NKAIN2: variants seen among roughly 807,000 people sequenced by gnomAD.
NKAIN2 encodes sodium/potassium transporting ATPase interacting 2.
NKAIN2 carries 14 observed loss-of-function variants against 32.6 expected under a neutral mutation model. The observed-to-expected ratio is 0.43, with a 90% CI of 0.28 to 0.67. The LOEUF (loss-of-function observed/expected upper bound fraction) is 0.67, where lower values mean the gene tolerates loss of function less well. NKAIN2 is among the 30% of genes least tolerant of loss of function. The pLI is 0.17. For synonymous variants in NKAIN2, 80 were observed against 87.2 expected (o/e 0.92, Z 0.46); for missense variants, 198 against 258.3 (o/e 0.77, Z 1.60).
At chr6:124,501,527 A>G (rs1282114746) in intron 3 of NKAIN2, among the ~76,000 whole-genome samples, 1 of 152,180 alleles carries the variant, frequency 6.6e-6, no homozygotes, top group African/African-American at 2.4e-5. Context: ...TCGGTCCACT[A>G]TCCCTCAGCC....
At chr6:124,351,508 C>CAAAAAAAAAAAA (rs397956239) in intron 2 of NKAIN2, among the ~76,000 whole-genome samples, 2 of 108,946 alleles carry the variant, frequency 1.8e-5, no homozygotes, top group East Asian at 2.7e-4. Flanking sequence ...TCAAAAAAAC[C>CAAAAAAAAAAAA]AAAAAAAAAA....
intron 3 of NKAIN2, among the ~76,000 whole-genome samples, chr6:124,654,674 T>C (rs1019902207): frequency 6.6e-6 from 1 of 152,178 alleles, no homozygotes; most frequent in African/African-American, 2.4e-5. Context: ...TAGAGTGGGC[T>C]CTAGGCCAAT....
At chr6:124,607,659 C>G (rs940708499) in intron 3 of NKAIN2, among the ~76,000 whole-genome samples, 4 of 151,902 alleles carry the variant, frequency 2.6e-5, no homozygotes, top group Non-Finnish European at 5.9e-5. Flanking sequence ...CTTCGTTATA[C>G]ACACACACAA....
At chr6:124,311,255 AG>A (rs1283979033) in intron 2 of NKAIN2, among the ~76,000 whole-genome samples, 1 of 152,170 alleles carries the variant, frequency 6.6e-6, no homozygotes, top group Non-Finnish European at 1.5e-5. Flanking sequence ...AATACTGAGA[AG>A]CCCTAATTTT....
At chr6:124,755,822 T>C (rs531443842) in intron 4 of NKAIN2, among the ~76,000 whole-genome samples, 2 of 152,280 alleles carry the variant, frequency 1.3e-5, no homozygotes, top group African/African-American at 4.8e-5. Context: ...ATGACACAAG[T>C]TGACCTATGT....
chr6:124,412,423 GTT>G (rs948138798), intron 3 of NKAIN2, among the ~76,000 whole-genome samples: 5 of 152,170 alleles, frequency 3.3e-5, no homozygotes, highest in African/African-American at 1.2e-4. Context: ...GTCTGTTGGA[GTT>G]TGCTGGAGGT....
At chr6:124,329,629 C>T (rs1220733467) in intron 2 of NKAIN2, among the ~76,000 whole-genome samples, 4 of 152,294 alleles carry the variant, frequency 2.6e-5, no homozygotes, top group Non-Finnish European at 5.9e-5. Context: ...GGAGACATAG[C>T]ACCATGTAAC....
chr6:124,179,333 A>G (rs758492333), intron 1 of NKAIN2, among the ~76,000 whole-genome samples: 1 of 152,188 alleles, frequency 6.6e-6, no homozygotes. Context: ...TTCTTCAGCT[A>G]TTCTGTGTGT....
At chr6:124,570,024 G>A (rs554605604) in intron 3 of NKAIN2, among the ~76,000 whole-genome samples, 197 of 152,264 alleles carry the variant, frequency 1.3e-3, no homozygotes, top group Non-Finnish European at 2.2e-3. Context: ...AACTAGTTGG[G>A]AACTGGAGCG....
chr6:124,337,536 A>C (rs1326526335), intron 2 of NKAIN2, among the ~76,000 whole-genome samples: 1 of 152,180 alleles, frequency 6.6e-6, no homozygotes, highest in Non-Finnish European at 1.5e-5. Flanking sequence ...AAAAACAACA[A>C]TAAATAAACT....
chr6:124,611,341 G>A lies in NKAIN2; in HGVS notation c.274-46845G>A, dbSNP rs186630585. Among the ~76,000 whole-genome samples, 208 of 151,172 alleles carry A rather than the reference G, an allele frequency of 1.4e-3. 1 individual carries two copies. The highest frequency in any genetic ancestry group is 2.4e-3 in the Admixed American group (37 of 15,234). ...TATTAAAACAAAATAAAAGGTAAAC[G>A]CCATTTTATTTTGTTTGTTTGTTTG... On this transcript the variant is annotated intron_variant, in intron 3 of 6. Transcript: ENST00000368417.
chr6:123,955,228 A>G (rs1374757289), intron 1 of NKAIN2, among the ~76,000 whole-genome samples: 1 of 151,792 alleles, frequency 6.6e-6, no homozygotes, highest in Non-Finnish European at 1.5e-5. Flanking sequence ...AGAAAAAAGA[A>G]AGAAGAAAAG....
chr6:124,335,619 C>T (rs538246548), intron 2 of NKAIN2, among the ~76,000 whole-genome samples: 3 of 152,030 alleles, frequency 2.0e-5, no homozygotes, highest in Non-Finnish European at 2.9e-5. Flanking sequence ...TTTACAACTA[C>T]CACACATCTA....
intron 3 of NKAIN2, among the ~76,000 whole-genome samples, chr6:124,601,959 T>G (rs1782324307): frequency 6.6e-6 from 1 of 152,040 alleles, no homozygotes; most frequent in African/African-American, 2.4e-5. Flanking sequence ...CTTTTCTTTT[T>G]TAAGTGTACA....
intron 4 of NKAIN2, among the ~76,000 whole-genome samples, chr6:124,706,496 C>CAA (rs201810872): frequency 7.2e-6 from 1 of 138,292 alleles, no homozygotes; most frequent in Non-Finnish European, 1.6e-5. Flanking sequence ...TGGAGGTCCT[C>CAA]AAAAAAAACA....
At chr6:124,344,826 C>G (rs1303639379) in intron 2 of NKAIN2, among the ~76,000 whole-genome samples, 4 of 152,148 alleles carry the variant, frequency 2.6e-5, no homozygotes, top group East Asian at 1.9e-4. Flanking sequence ...CCCTTTATTT[C>G]CTTCTACTGC....
chr6:124,270,857 CTG>C (rs1435940259), intron 1 of NKAIN2, among the ~76,000 whole-genome samples: 1 of 152,168 alleles, frequency 6.6e-6, no homozygotes, highest in African/African-American at 2.4e-5. Context: ...CATGGAAAGA[CTG>C]TCATTTGAAC....
intron 3 of NKAIN2, among the ~76,000 whole-genome samples, chr6:124,617,566 G>T (rs1022173311): frequency 6.6e-6 from 1 of 152,120 alleles, no homozygotes; most frequent in Admixed American, 6.5e-5. Context: ...TCAGGTTCCA[G>T]CTCATATTAT....
At chr6:124,757,938 G>A (rs986282519) in intron 4 of NKAIN2, among the ~76,000 whole-genome samples, 1 of 152,166 alleles carries the variant, frequency 6.6e-6, no homozygotes, top group South Asian at 2.1e-4. Flanking sequence ...AATAAGGTAT[G>A]TCACTTTATG....
Sources: gnomAD v4.1 joint callset for allele counts (sites outside exome capture counted in the v4.1 genomes callset) on GRCh38, gnomAD v4.1.1 for gene constraint, MANE v1.5 for transcripts, NCBI Gene and HGNC (gene_info 2026-07-23, HGNC 2026-07-21) for gene names.